Variants in ABCA13 observed in about 807,000 individuals in gnomAD.
ABCA13 encodes the protein ATP-binding cassette sub-family A member 13.
In ABCA13, 476 loss-of-function variants were observed where a neutral mutation model predicts 478.7. That is an observed-to-expected ratio of 0.99 (90% CI 0.92 to 1.07). ABCA13 has a LOEUF of 1.07. ABCA13 is among the 50% of genes least tolerant of loss of function. The pLI is 0.00. For missense variants in ABCA13, 6,060 were observed against 5,910.6 expected (o/e 1.03, Z -0.83); for synonymous variants, 2,252 against 2,158.9 (o/e 1.04, Z -1.20).
chr7:48,301,648 C>T (rs1234542303), intron 23 of ABCA13, among the ~76,000 whole-genome samples: 1 of 152,036 alleles, frequency 6.6e-6, no homozygotes. Context: ...TGCAGAGTCT[C>T]ATTCTAGAGA....
chr7:48,274,692 G>A lies in ABCA13; in HGVS notation c.5026G>A (p.Asp1676Asn). The A allele has an allele frequency of 6.2e-7, 1 of 1,613,968 alleles. No homozygotes were observed. Residue 1676 changes from aspartate to asparagine, a missense_variant, in exon 17 of 62, where the codon GAC becomes AAC. Coordinates refer to ENST00000435803, the MANE Select transcript of ABCA13 (RefSeq NM_152701.5). ...GCGTACCCTTAAGAAGGCAGACATA[G>A]ACCTTTTAGTGGATCAGCTTGAACA... ...VMRTLKKADI[D>N]LLVDQLEQVS...
At chr7:48,479,163 G>A (rs753039404) in intron 45 of ABCA13, among the ~76,000 whole-genome samples, 1 of 151,760 alleles carries the variant, frequency 6.6e-6, no homozygotes, top group African/African-American at 2.4e-5. Context: ...TGTTAGCCAG[G>A]ATGGTCTCGA....
Position 48,464,183 on chromosome 7 carries a change from A to T in ABCA13, c.12816-2773A>T, listed in dbSNP as rs531060240. On this transcript the variant is annotated intron_variant, in intron 43 of 61. Transcript: ENST00000435803. ...CTAACATAGAGATTTACTTTAAAAT[A>T]TAGCCAGGAGTTTGAAGGCAACAAA... is the stretch of plus-strand genomic sequence containing the variant. 8.5e-5 allele frequency among the ~76,000 whole-genome samples: 13 copies of T among 152,364 alleles called. No individual in the cohort carries two copies. The South Asian group carries it at 2.7e-3, about 32-fold the overall frequency.
At chr7:48,581,401 C>T (rs950497635) in intron 56 of ABCA13, among the ~76,000 whole-genome samples, 6 of 152,098 alleles carry the variant, frequency 3.9e-5, no homozygotes, top group Non-Finnish European at 7.3e-5. Context: ...TCCCATCTCC[C>T]GTCTTAATAA....
At chr7:48,189,045 C>T (rs1005860080) in intron 1 of ABCA13, among the ~76,000 whole-genome samples, 3 of 152,074 alleles carry the variant, frequency 2.0e-5, no homozygotes, top group Non-Finnish European at 4.4e-5. Context: ...GTTTACCAGA[C>T]GGTTATTTTT....
At chr7:48,538,847 A>G (rs755391853) in intron 55 of ABCA13, among the ~76,000 whole-genome samples, 2 of 152,184 alleles carry the variant, frequency 1.3e-5, no homozygotes, top group Non-Finnish European at 2.9e-5. Flanking sequence ...AAGTTACTCA[A>G]TTCACAGGTC....
intron 58 of ABCA13, among the ~76,000 whole-genome samples, chr7:48,613,101 AT>A (rs1792187286): frequency 6.6e-6 from 1 of 151,642 alleles, no homozygotes; most frequent in Non-Finnish European, 1.5e-5. Context: ...TCTCTATTAT[AT>A]TTTTATTATT....
intron 51 of ABCA13, 100 bp downstream of exon 51, chr7:48,511,299 C>G: frequency 1.0e-6 from 1 of 974,508 alleles, no homozygotes; most frequent in East Asian, 2.6e-5. Flanking sequence ...ATGATTTCCT[C>G]TCTTTTGAAG....
intron 47 of ABCA13, among the ~76,000 whole-genome samples, chr7:48,488,476 T>C (rs1829545806): frequency 6.6e-6 from 1 of 152,150 alleles, no homozygotes; most frequent in African/African-American, 2.4e-5. Flanking sequence ...TAACTTGCTG[T>C]GAGGCAGCGG....
intron 55 of ABCA13, among the ~76,000 whole-genome samples, chr7:48,569,101 C>T (rs2131309162): frequency 6.6e-6 from 1 of 151,872 alleles, no homozygotes; most frequent in East Asian, 1.9e-4. Context: ...TTTATTATTT[C>T]TTCCCTATTT....
At chr7:48,460,983 C>G (rs1157014840) in intron 43 of ABCA13, among the ~76,000 whole-genome samples, 1 of 152,226 alleles carries the variant, frequency 6.6e-6, no homozygotes, top group Non-Finnish European at 1.5e-5. Flanking sequence ...ATATGTACAA[C>G]TTCCTTCTAT....
At chr7:48,333,974 C>T (rs896976641) in intron 27 of ABCA13, among the ~76,000 whole-genome samples, 16 of 152,244 alleles carry the variant, frequency 1.1e-4, no homozygotes, top group Admixed American at 7.2e-4. Context: ...CAGTGTCATC[C>T]GAGCTGATCC....
Position 48,549,423 on chromosome 7 carries a change from C to T in ABCA13, c.14354+21078C>T, listed in dbSNP as rs759616099. Among the ~76,000 whole-genome samples, 83 of 151,954 alleles carry T rather than the reference C, an allele frequency of 5.5e-4. 1 individual carries two copies. Among genetic ancestry groups the T allele is most frequent in the Non-Finnish European group, 1.1e-3 (73 of 67,862 alleles). ...TTCTTTTTTATGGCTGCATAGTATT[C>T]CATGGAGTACATGTACCACATTTTC... On this transcript the variant is annotated intron_variant, in intron 55 of 61. Coordinates refer to ENST00000435803, the MANE Select transcript of ABCA13 (RefSeq NM_152701.5).
intron 42 of ABCA13, among the ~76,000 whole-genome samples, chr7:48,438,230 C>T (rs1191036824): frequency 1.3e-5 from 2 of 152,086 alleles, no homozygotes; most frequent in Non-Finnish European, 2.9e-5. Flanking sequence ...TTTCTTTGAC[C>T]CCACCAATAT....
At chr7:48,207,420 G>A (rs1785066740) in intron 3 of ABCA13, among the ~76,000 whole-genome samples, 1 of 152,076 alleles carries the variant, frequency 6.6e-6, no homozygotes. Flanking sequence ...CCTGCCAACA[G>A]TGTACAAGAG....
Position 48,281,326 on chromosome 7 carries a change from T to C in ABCA13, c.8727-17T>C. On this transcript the variant is annotated splice_polypyrimidine_tract_variant and intron_variant, in intron 18 of 61. Transcript: ENST00000435803. ...ATTTTTACCCTTTTATGTCATTGTA[T>C]ATATTTTTTTGCTAAGTGTTGTTGA... The C allele has an allele frequency of 6.4e-7, 1 of 1,574,724 alleles. No individual in the cohort carries two copies. Among genetic ancestry groups the C allele is most frequent in the Non-Finnish European group, 8.6e-7 (1 of 1,159,146 alleles).
intron 31 of ABCA13, among the ~76,000 whole-genome samples, chr7:48,365,733 G>C (rs1243979787): frequency 6.6e-6 from 1 of 152,102 alleles, no homozygotes; most frequent in East Asian, 1.9e-4. Flanking sequence ...CTACAAATGT[G>C]TGGGTTTATA....
At chr7:48,180,354 G>T (rs1795497544) in intron 1 of ABCA13, among the ~76,000 whole-genome samples, 1 of 152,128 alleles carries the variant, frequency 6.6e-6, no homozygotes. Context: ...GGGTTTCCTT[G>T]TTTCTAGTGG....
At chr7:48,536,526 T>C (rs1403634913) in intron 55 of ABCA13, among the ~76,000 whole-genome samples, 1 of 151,922 alleles carries the variant, frequency 6.6e-6, no homozygotes, top group Admixed American at 6.6e-5. Context: ...TGTGTGCCTG[T>C]AATCCCAGCT....
Sources: allele counts gnomAD v4.1 joint callset (sites outside exome capture counted in the v4.1 genomes callset), GRCh38; gene constraint gnomAD v4.1.1; transcripts MANE v1.5; gene names NCBI Gene and HGNC (gene_info 2026-07-23, HGNC 2026-07-21).